Variants in SLC15A3 observed in about 807,000 individuals in gnomAD.
SLC15A3 encodes the protein osteoclast transporter.
A neutral mutation model predicts 49.2 loss-of-function variants in SLC15A3; 39 were observed. That is an observed-to-expected ratio of 0.79 (90% confidence interval 0.61 to 1.04). The LOEUF (loss-of-function observed/expected upper bound fraction) is 1.04. Ranked by LOEUF, SLC15A3 falls within the 50% of genes least tolerant of loss-of-function variation. SLC15A3 has a pLI of 0.00. For synonymous variants in SLC15A3, 339 were observed against 367.0 expected, an observed-to-expected ratio of 0.92 and a Z score of 0.87; for missense variants, 758 against 794.8, an observed-to-expected ratio of 0.95 and a Z score of 0.56.
At position 60,951,012 on chromosome 11, in the gene SLC15A3, G is replaced by C; in HGVS notation, c.540C>G (p.Thr180=). The change falls in exon 1 of 8, where the codon ACC becomes ACG. Residue 180 remains threonine (T), a synonymous_variant. Coordinates refer to ENST00000227880, the MANE Select transcript of SLC15A3 (RefSeq NM_016582.3). ...CACTCACCTGGTCGGCACCGAAGGA[G>C]GTGAGGTTGCTCCGGACGGAGCTGG... The part of the protein sequence containing the change: ...LAASSVRSNL[T]SFGADQVMDL... 6.7e-7 allele frequency: 1 copy of C among 1,488,608 alleles called. No homozygotes were observed. Among genetic ancestry groups the C allele is most frequent in the Non-Finnish European group, 8.9e-7 (1 of 1,126,086 alleles). The allele number at this position is 1,488,608 out of a possible 1,614,324, so 92.2% of individuals were successfully genotyped here. A position where few individuals can be genotyped will look rare whatever the true frequency, so the allele number is the denominator to read the frequency against.
rs142111240 is a variant in SLC15A3, at chr11:60,939,524, T to C, written c.1391A>G (p.Gln464Arg). The C allele has an allele frequency of 5.6e-5, 90 of 1,614,058 alleles. 1 individual carries two copies. The highest frequency in any genetic ancestry group is 6.9e-5 in the Non-Finnish European group (82 of 1,180,020). The change falls in exon 6 of 8, where the codon CAG becomes CGG. Residue 464 changes from glutamine (Q) to arginine (R), a missense_variant. This residue lies in a region of SLC15A3 where 699 missense variants were observed against 706.7 expected (regional missense o/e 0.99). Transcript: ENST00000227880. ...APLSIWWQIP[Q>R]YLLIGISEIF... ...CTCACTGATCCCAATGAGCAGGTAC[T>C]GAGGGATCTGCCACCAGATGGACAG... is the stretch of plus-strand genomic sequence containing the variant.
chr11:60,937,108 T>C lies in SLC15A3; in HGVS notation c.*111A>G. 1.6e-5 allele frequency: 23 copies of C among 1,478,016 alleles called. No individual in the cohort carries two copies. The highest frequency in any genetic ancestry group is 4.3e-5 in the Admixed American group (2 of 46,376). 91.6% of individuals were successfully genotyped at this position (1,478,016 alleles called of 1,614,324 possible). A position where few individuals can be genotyped will look rare whatever the true frequency, so the allele number is the denominator to read the frequency against. ...GTCGTGAGGAAGGGCTCATGCCCCT[T>C]ATTTATGGGAACCATTTCATTCTAA... On this transcript the variant is annotated 3_prime_UTR_variant, in exon 8 of 8. Transcript: ENST00000227880.
At chr11:60,942,617 C>T (rs550997) in intron 3 of SLC15A3, 71,551 of 161,380 alleles carry the variant, frequency 0.44, 16,193 homozygotes, top group African/African-American at 0.51. Context: ...TCCAATACCA[C>T]GCACTGCCCC....
chr11:60,949,073 C>T (rs1334412255), intron 1 of SLC15A3, among the ~76,000 whole-genome samples: 3 of 151,958 alleles, frequency 2.0e-5, no homozygotes, highest in Non-Finnish European at 4.4e-5. Context: ...CAGTGGCTCA[C>T]GCCTGTAATC....
intron 7 of SLC15A3, chr11:60,937,628 G>T: frequency 1.5e-6 from 1 of 684,380 alleles, no homozygotes; most frequent in Non-Finnish European, 2.5e-6. Flanking sequence ...AGCCAGAGAT[G>T]GCAGAGTTCC....
chr11:60,937,756 C>T, intron 7 of SLC15A3, 114 bp downstream of exon 7: 2 of 1,351,072 alleles, frequency 1.5e-6, no homozygotes, highest in East Asian at 2.5e-5. Flanking sequence ...CCCATTCTCC[C>T]AAGTCTAGCC....
At chr11:60,937,808 G>A (rs1856642346) in intron 7 of SLC15A3, 62 bp downstream of exon 7, 3 of 1,569,746 alleles carry the variant, frequency 1.9e-6, no homozygotes, top group South Asian at 2.3e-5. Context: ...TTTAGCAGTT[G>A]CCACCTCCTT....
Position 60,937,159 on chromosome 11 carries a change from AGCTGGGACTGCT to A in SLC15A3, c.*48_*59del. ...CAGAATAAACCGAGAAGGAAACCAG[AGCTGGGACTGCT>A]GCCGTCTGTCCGGTAGAGTGAAGCA... On this transcript the variant is annotated 3_prime_UTR_variant, in exon 8 of 8. Transcript: ENST00000227880. The A allele has an allele frequency of 1.3e-6, 2 of 1,568,270 alleles. No homozygotes were observed. Among genetic ancestry groups the A allele is most frequent in the Non-Finnish European group, 1.7e-6 (2 of 1,155,424 alleles).
Position 60,951,972 on chromosome 11 carries a change from G to C in SLC15A3, c.-421C>G, listed in dbSNP as rs1347860670. On this transcript the variant is annotated 5_prime_UTR_variant, in exon 1 of 8. Coordinates refer to ENST00000227880, the MANE Select transcript of SLC15A3 (RefSeq NM_016582.3). ...CCCTCCCCGTTTGTCGCCCCTTCCTGTTGTCCCCTCTCCTTATGACTCCTG... is the reference window on the plus strand; with the variant it reads ...CCCTCCCCGTTTGTCGCCCCTTCCTCTTGTCCCCTCTCCTTATGACTCCTG... Among the ~76,000 whole-genome samples, 1 of 149,874 alleles carries C rather than the reference G, an allele frequency of 6.7e-6. No homozygotes were observed. Among genetic ancestry groups the C allele is most frequent in the Non-Finnish European group, 1.5e-5 (1 of 67,478 alleles).
At chr11:60,938,178 A>G (rs768112332) in intron 6 of SLC15A3, 153 bp from the exon 7 acceptor site, 8 of 882,866 alleles carry the variant, frequency 9.1e-6, no homozygotes, top group Non-Finnish European at 1.4e-5. Flanking sequence ...GACAGCACCC[A>G]TGCATCAATG....
At chr11:60,943,314 T>C (rs1197049524) in intron 3 of SLC15A3, 1 of 156,070 alleles carries the variant, frequency 6.4e-6, no homozygotes, top group East Asian at 1.8e-4. Context: ...AGTCGGACAA[T>C]CTGAATGCAG....
chr11:60,946,789 G>A lies in SLC15A3; in HGVS notation c.591C>T (p.Arg197=), dbSNP rs1367517332. The A allele has an allele frequency of 5.0e-6, 8 of 1,613,002 alleles. No homozygotes were observed. The highest frequency in any genetic ancestry group is 1.7e-5 in the Admixed American group (1 of 59,998). Reference sequence around the variant, plus strand: ...TGCTCCAGTAAAACCAGTTGAAGAAGCGGCGGGTGGCGTCGCGGCCGAGAT... The same window carrying A: ...TGCTCCAGTAAAACCAGTTGAAGAAACGGCGGGTGGCGTCGCGGCCGAGAT... The part of the protein sequence containing the change: ...VMDLGRDATR[R]FFNWFYWSIN... Residue 197 remains arginine (R), a synonymous_variant, in exon 2 of 8, where the codon CGC becomes CGT. Transcript: ENST00000227880.
intron 6 of SLC15A3, among the ~76,000 whole-genome samples, chr11:60,939,000 G>A (rs1856669279): frequency 6.6e-6 from 1 of 152,226 alleles, no homozygotes; most frequent in African/African-American, 2.4e-5. Context: ...GCCCGGGGAA[G>A]GGGGTTGGGA....
chr11:60,949,205 G>A (rs911510784), intron 1 of SLC15A3, among the ~76,000 whole-genome samples: 4 of 151,768 alleles, frequency 2.6e-5, no homozygotes, highest in African/African-American at 7.3e-5. Flanking sequence ...GCGTGGTAGC[G>A]GGCACCTATA....
chr11:60,938,033 G>C lies in SLC15A3; in HGVS notation c.1436-8C>G, dbSNP rs757454190. 2.4e-5 allele frequency: 38 copies of C among 1,613,008 alleles called. No individual in the cohort carries two copies. The South Asian group carries it at 3.1e-4, about 13-fold the overall frequency. Reference sequence around the variant, plus strand: ...AGTAGGCAAACTCCAGGCCTGCAGAGGGGGAGCAGAGACGATCTCAGGGGC... The same window carrying C: ...AGTAGGCAAACTCCAGGCCTGCAGACGGGGAGCAGAGACGATCTCAGGGGC... On this transcript the variant is annotated splice_region_variant and splice_polypyrimidine_tract_variant and intron_variant, in intron 6 of 7. Coordinates refer to ENST00000227880, the MANE Select transcript of SLC15A3 (RefSeq NM_016582.3).
At position 60,951,348 on chromosome 11, in the gene SLC15A3, G is replaced by C; in HGVS notation, c.204C>G (p.Thr68=). 1 of 1,547,570 alleles carries C rather than the reference G, an allele frequency of 6.5e-7. No individual in the cohort carries two copies. The highest frequency in any genetic ancestry group is 8.7e-7 in the Non-Finnish European group (1 of 1,150,414). ...LYLNSTNFNW[T]GEQATRAALV... Reference sequence around the variant, plus strand: ...GCGCGGCGCGCGTCGCCTGCTCGCCGGTCCAGTTGAAGTTGGTGCTGTTGA... The same window carrying C: ...GCGCGGCGCGCGTCGCCTGCTCGCCCGTCCAGTTGAAGTTGGTGCTGTTGA... Residue 68 remains threonine, a synonymous_variant, in exon 1 of 8, where the codon ACC becomes ACG. Transcript: ENST00000227880.
Position 60,946,759 on chromosome 11 carries a change from G to C in SLC15A3, c.621C>G (p.Asn207Lys), listed in dbSNP as rs760715158. 1.9e-6 allele frequency: 3 copies of C among 1,614,180 alleles called. No homozygotes were observed. In the East Asian group the frequency reaches 6.7e-5, roughly 36 times the overall value. The change falls in exon 2 of 8, where the codon AAC becomes AAG. Residue 207 changes from asparagine (N) to lysine (K), a missense_variant. Physicochemically the swap from Asn to Lys is moderately conservative, Grantham distance 94 (BLOSUM62 0). Coordinates refer to ENST00000227880, the MANE Select transcript of SLC15A3 (RefSeq NM_016582.3). ...CCAGCAGCGACAGCACAGCACCCAG[G>C]TTGATGCTCCAGTAAAACCAGTTGA... is the stretch of plus-strand genomic sequence containing the variant. ...RFFNWFYWSI[N>K]LGAVLSLLVV... is the part of the protein sequence containing the mutation.
At chr11:60,945,618 G>A (rs1397196556) in intron 2 of SLC15A3, among the ~76,000 whole-genome samples, 1 of 152,156 alleles carries the variant, frequency 6.6e-6, no homozygotes, top group Non-Finnish European at 1.5e-5. Flanking sequence ...GCTGTAACTG[G>A]CTGCAAGGTC....
At chr11:60,948,204 G>T (rs1856832508) in intron 1 of SLC15A3, among the ~76,000 whole-genome samples, 1 of 152,180 alleles carries the variant, frequency 6.6e-6, no homozygotes, top group Non-Finnish European at 1.5e-5. Flanking sequence ...TGGAGATTCT[G>T]CGGGGTCCTC....
Sources: gnomAD v4.1 joint callset for allele counts (sites outside exome capture counted in the v4.1 genomes callset) on GRCh38, gnomAD v4.1.1 for gene constraint, gnomAD v4.1.1 regional missense constraint, MANE v1.5 for transcripts, NCBI Gene and HGNC (gene_info 2026-07-23, HGNC 2026-07-21) for gene names.